Variants in SYAP1 observed in about 807,000 individuals in gnomAD.
The protein encoded by SYAP1 is synapse-associated protein 1.
In SYAP1, 3 loss-of-function variants were observed where a neutral mutation model predicts 29.6. That is an observed-to-expected ratio of 0.10 (90% CI 0.05 to 0.26). The LOEUF is 0.26. Among genes scored for constraint, SYAP1 ranks in the 10% least tolerant of loss-of-function variants. The pLI is 1.00. For synonymous variants in SYAP1, 102 were observed against 102.7 expected (o/e 0.99, Z 0.04); for missense variants, 217 against 264.1 (o/e 0.82, Z 1.24).
At chrX:16,757,448 C>A (rs979686792) in intron 8 of SYAP1, 139 bp downstream of exon 8, 14 of 695,465 alleles carry the variant, frequency 2.0e-5, no homozygotes, top group Non-Finnish European at 2.8e-5. Context: ...TTGTCAGAGG[C>A]AATGGCTCAC....
In SYAP1 at chrX:16,733,943, G is replaced by C. The variant is rs183763934; in HGVS notation, c.176-1284G>C. On this transcript the variant is annotated intron_variant, in intron 1 of 8. Coordinates refer to ENST00000380155, the MANE Select transcript of SYAP1 (RefSeq NM_032796.4). ...AAAGTGCTGGGATTACAACAAATGAGCCCTTATAGTGCAATAGAACCTTGA... is the reference window on the plus strand; with the variant it reads ...AAAGTGCTGGGATTACAACAAATGACCCCTTATAGTGCAATAGAACCTTGA... Among the ~76,000 whole-genome samples, 108 of 110,782 alleles carry C rather than the reference G, an allele frequency of 9.7e-4. 1 individual carries two copies. In the East Asian group the frequency reaches 0.024, roughly 25 times the overall value.
intron 5 of SYAP1, among the ~76,000 whole-genome samples, chrX:16,750,663 T>A (rs1926710793): frequency 3.6e-5 from 4 of 110,944 alleles, no homozygotes; most frequent in African/African-American, 9.8e-5. Context: ...GCCTAGCTTC[T>A]CCATTCACAG....
intron 3 of SYAP1, among the ~76,000 whole-genome samples, chrX:16,737,255 C>G (rs982815907): frequency 1.1e-4 from 12 of 111,435 alleles, no homozygotes; most frequent in African/African-American, 3.9e-4. Context: ...TGTGGTGGTG[C>G]ACACCTGTAG....
At position 16,765,000 on chromosome X, in the gene SYAP1, A is replaced by C. The variant is rs983267888; in HGVS notation, c.*4641A>C. On this transcript the variant is annotated 3_prime_UTR_variant, in exon 9 of 9. Transcript: ENST00000380155. ...CATGATGAGCCACTGCACCTGGCCA[A>C]AAGTGGCAGAAATTTTGATATGGTT... The C allele has an allele frequency of 8.9e-6, 1 of 112,068 alleles. No homozygotes were observed. The highest frequency in any genetic ancestry group is 1.9e-5 in the Non-Finnish European group (1 of 53,207). 9.2% of individuals were successfully genotyped at this position (112,068 alleles called of 1,213,427 possible).
intron 7 of SYAP1, 129 bp from the exon 8 acceptor site, chrX:16,757,033 C>T (rs991071356): frequency 2.3e-6 from 2 of 851,892 alleles, no homozygotes. Context: ...GAGCAGTGCT[C>T]ATTGTCTTAC....
chrX:16,741,676 T>A, intron 3 of SYAP1, 40 bp from the exon 4 acceptor site: 1 of 1,071,014 alleles, frequency 9.3e-7, no homozygotes, highest in Non-Finnish European at 1.3e-6. Context: ...TCATGACCTA[T>A]TTTTTTCTCT....
Position 16,722,483 on chromosome X carries a change from G to A in SYAP1, c.175+2584G>A, listed in dbSNP as rs780107796. Among the ~76,000 whole-genome samples, 5 of 107,398 alleles carry A rather than the reference G, an allele frequency of 4.7e-5. No individual in the cohort carries two copies. The South Asian group carries it at 1.7e-3, about 36-fold the overall frequency. The allele number at this position is 107,398 out of a possible 115,157, so 93.3% of individuals were successfully genotyped here. On this transcript the variant is annotated intron_variant, in intron 1 of 8. Transcript: ENST00000380155. ...GCGGAGGTTGCAGTGAGCCGAGATC[G>A]CGCCACTGCACTCCAGTGTAGGTGA...
intron 5 of SYAP1, among the ~76,000 whole-genome samples, chrX:16,744,386 G>A (rs1251529535): frequency 8.9e-6 from 1 of 112,712 alleles, no homozygotes; most frequent in African/African-American, 3.2e-5. Flanking sequence ...GCTCTTCCGT[G>A]CCTTCTCCAG....
At position 16,733,870 on chromosome X, in the gene SYAP1, G is replaced by A. The variant is rs759586016; in HGVS notation, c.176-1357G>A. Among the ~76,000 whole-genome samples, 6 of 109,737 alleles carry A rather than the reference G, an allele frequency of 5.5e-5. No homozygotes were observed. The South Asian group carries it at 2.4e-3, about 43-fold the overall frequency. ...TTTAGTAGAGACGGGGTTTCACCAT[G>A]TTGGTCAGACTGGTCTCGAACTCCT... On this transcript the variant is annotated intron_variant, in intron 1 of 8. Coordinates refer to ENST00000380155, the MANE Select transcript of SYAP1 (RefSeq NM_032796.4).
In SYAP1 at chrX:16,744,338, C is replaced by G. The variant is rs148430241; in HGVS notation, c.575+498C>G. Among the ~76,000 whole-genome samples, 815 of 112,559 alleles carry G rather than the reference C, an allele frequency of 7.2e-3. 24 individuals are homozygous for G. Among genetic ancestry groups the G allele is most frequent in the Admixed American group, 0.053 (565 of 10,594 alleles). On this transcript the variant is annotated intron_variant, in intron 5 of 8. Coordinates refer to ENST00000380155, the MANE Select transcript of SYAP1 (RefSeq NM_032796.4). ...TGGTGGTGCGGCCAACAGGGGCCAC[C>G]TTCCCCGCTGCTGCTTCCCTTGGGT...
chrX:16,741,259 C>T (rs1330555068), intron 3 of SYAP1, among the ~76,000 whole-genome samples: 2 of 111,059 alleles, frequency 1.8e-5, no homozygotes. Context: ...AATGCAATGG[C>T]GGAATCACAG....
chrX:16,730,889 T>A (rs768316209), intron 1 of SYAP1, among the ~76,000 whole-genome samples: 14 of 112,604 alleles, frequency 1.2e-4, no homozygotes, highest in African/African-American at 4.5e-4. Context: ...AGGCCTTTTC[T>A]AGAATCTAAT....
chrX:16,752,549 A>G (rs868098957), intron 5 of SYAP1, among the ~76,000 whole-genome samples: 20 of 109,588 alleles, frequency 1.8e-4, no homozygotes, highest in African/African-American at 6.6e-4. Context: ...TGCCCATCCA[A>G]ATTAGGAAAT....
chrX:16,750,921 C>T (rs188421021), intron 5 of SYAP1, among the ~76,000 whole-genome samples: 15 of 108,525 alleles, frequency 1.4e-4, no homozygotes, highest in Middle Eastern at 4.7e-3. Context: ...GTGTGCACCA[C>T]CACGCCCGGC....
chrX:16,757,491 C>T (rs757818917), intron 8 of SYAP1, among the ~76,000 whole-genome samples, 182 bp downstream of exon 8: 19 of 110,598 alleles, frequency 1.7e-4, no homozygotes, highest in Admixed American at 1.1e-3. Context: ...GAGGCCGAGG[C>T]GGGCAGATCA....
intron 3 of SYAP1, among the ~76,000 whole-genome samples, chrX:16,737,282 G>T (rs1569249194): frequency 9.0e-6 from 1 of 111,483 alleles, no homozygotes; most frequent in Non-Finnish European, 1.9e-5. Flanking sequence ...CTACTTGGGA[G>T]GTTGAGACAG....
intron 4 of SYAP1, among the ~76,000 whole-genome samples, chrX:16,742,143 G>GTTTTTTTT (rs144175479): frequency 2.6e-4 from 11 of 41,863 alleles, no homozygotes; most frequent in African/African-American, 1.2e-3. Context: ...TTTTTGTGTG[G>GTTTTTTTT]TTTTTTTTTT....
chrX:16,759,543 C>T (rs1926936233), intron 8 of SYAP1, among the ~76,000 whole-genome samples: 1 of 111,701 alleles, frequency 9.0e-6, no homozygotes, highest in Admixed American at 9.6e-5. Context: ...AGTGTGAGAG[C>T]TCCAGTCAGA....
At chrX:16,734,216 T>G (rs1750734006) in intron 1 of SYAP1, among the ~76,000 whole-genome samples, 1 of 108,434 alleles carries the variant, frequency 9.2e-6, no homozygotes, top group Non-Finnish European at 1.9e-5. Context: ...CCATCTCTAC[T>G]AAAAATATAA....
Sources: allele counts gnomAD v4.1 joint callset (sites outside exome capture counted in the v4.1 genomes callset), GRCh38; gene constraint gnomAD v4.1.1; transcripts MANE v1.5; gene names NCBI Gene and HGNC (gene_info 2026-07-23, HGNC 2026-07-21).